Variants in STK32A observed in about 807,000 individuals in gnomAD.
The protein encoded by STK32A is serine/threonine kinase 32A.
Under a neutral mutation model 53.2 loss-of-function variants are expected in STK32A, and 41 were observed. The observed-to-expected ratio is 0.77, with a 90% CI of 0.60 to 1.00. The LOEUF is 1.00. STK32A is among the 50% of genes least tolerant of loss of function. The probability of loss-of-function intolerance (pLI) is 0.00; values close to 1 mark genes in which losing one functional copy is unlikely to be tolerated. For synonymous variants in STK32A, 166 were observed against 162.8 expected (o/e 1.02, Z -0.15); for missense variants, 458 against 485.8 (o/e 0.94, Z 0.54).
chr5:147,298,480 G>A (rs1335113813), intron 4 of STK32A, among the ~76,000 whole-genome samples: 2 of 152,160 alleles, frequency 1.3e-5, no homozygotes, highest in Non-Finnish European at 2.9e-5. Flanking sequence ...ATCATTCTGA[G>A]TTATGCTCTA....
At chr5:147,294,049 A>C (rs1752737804) in intron 4 of STK32A, among the ~76,000 whole-genome samples, 1 of 152,200 alleles carries the variant, frequency 6.6e-6, no homozygotes, top group Non-Finnish European at 1.5e-5. Flanking sequence ...TTTTCTATTA[A>C]AGAGAAGATC....
At chr5:147,278,088 T>C (rs1384668524) in intron 2 of STK32A, 36 bp from the exon 3 acceptor site, 12 of 1,513,186 alleles carry the variant, frequency 7.9e-6, no homozygotes, top group Non-Finnish European at 1.1e-5. Flanking sequence ...GAGAAATTGA[T>C]AATTACTCAT....
At chr5:147,335,917 T>A (rs536720437) in intron 5 of STK32A, among the ~76,000 whole-genome samples, 1 of 152,332 alleles carries the variant, frequency 6.6e-6, no homozygotes, top group African/African-American at 2.4e-5. Context: ...GAATGAAGAA[T>A]GCGTATTAGA....
rs757717200 is a variant in STK32A, at chr5:147,383,883, T to G, written c.1098-7T>G. On this transcript the variant is annotated splice_region_variant and splice_polypyrimidine_tract_variant and intron_variant, in intron 12 of 12. Transcript: ENST00000397936. ...TAAAACATCTTTTTTTTTCTTTTCT[T>G]TTTAAGAGTAAACAGGGACTTTAAC... 1 of 1,506,444 alleles carries G rather than the reference T, an allele frequency of 6.6e-7. No homozygotes were observed. Among genetic ancestry groups the G allele is most frequent in the Non-Finnish European group, 9.1e-7 (1 of 1,104,490 alleles). 93.3% of individuals were successfully genotyped at this position (1,506,444 alleles called of 1,614,324 possible).
At chr5:147,326,058 C>T (rs1338800450) in intron 5 of STK32A, among the ~76,000 whole-genome samples, 1 of 152,180 alleles carries the variant, frequency 6.6e-6, no homozygotes, top group African/African-American at 2.4e-5. Context: ...TGAGCATTTT[C>T]TCCATGTACT....
chr5:147,363,885 A>T (rs1051300243), intron 8 of STK32A, among the ~76,000 whole-genome samples: 2 of 152,178 alleles, frequency 1.3e-5, no homozygotes, highest in Non-Finnish European at 2.9e-5. Flanking sequence ...AAGCAGACAG[A>T]AGGAACCAAG....
chr5:147,353,242 C>T lies in STK32A; in HGVS notation c.562+2088C>T, dbSNP rs149503987. Among the ~76,000 whole-genome samples, 187 of 152,318 alleles carry T rather than the reference C, an allele frequency of 1.2e-3. 1 individual carries two copies. Among genetic ancestry groups the T allele is most frequent in the African/African-American group, 4.3e-3 (179 of 41,568 alleles). On this transcript the variant is annotated intron_variant, in intron 7 of 12. Transcript: ENST00000397936. Reference sequence around the variant, plus strand: ...ATCCTCCACCTCCATACCGGGGTGGCTGAAACCAGCCCAGCAGGGTGAGTG... The same window carrying T: ...ATCCTCCACCTCCATACCGGGGTGGTTGAAACCAGCCCAGCAGGGTGAGTG...
intron 11 of STK32A, among the ~76,000 whole-genome samples, chr5:147,382,387 G>A (rs1366444934): frequency 6.6e-6 from 1 of 151,780 alleles, no homozygotes. Context: ...CTTTAAGATA[G>A]TTGTTTTGAT....
chr5:147,401,878 A>C, the STK32A span: 1 of 562,700 alleles, frequency 1.8e-6, no homozygotes, highest in African/African-American at 2.0e-5. Context: ...AATGTGACCA[A>C]GTTTGTATTC....
At chr5:147,242,978 A>G (rs1318413969) in intron 2 of STK32A, among the ~76,000 whole-genome samples, 2 of 152,212 alleles carry the variant, frequency 1.3e-5, no homozygotes, top group Non-Finnish European at 2.9e-5. Context: ...CATTTTTGAT[A>G]TCCATATTTT....
At chr5:147,253,458 G>C (rs1311295606) in intron 2 of STK32A, among the ~76,000 whole-genome samples, 2 of 152,146 alleles carry the variant, frequency 1.3e-5, no homozygotes, top group East Asian at 3.9e-4. Context: ...TTGCTGTGGA[G>C]GTTTCTGTAC....
At chr5:147,311,444 T>C (rs1236811332) in intron 4 of STK32A, among the ~76,000 whole-genome samples, 2 of 152,170 alleles carry the variant, frequency 1.3e-5, no homozygotes, top group Non-Finnish European at 2.9e-5. Context: ...TTGCTGATGG[T>C]TAGAAATGAG....
intron 8 of STK32A, among the ~76,000 whole-genome samples, chr5:147,363,134 G>T (rs576536135): frequency 5.1e-4 from 77 of 151,748 alleles, no homozygotes; most frequent in African/African-American, 1.9e-3. Flanking sequence ...AGCAAGTTAT[G>T]TGCTTCCAAA....
chr5:147,291,716 A>G (rs1044059624), intron 4 of STK32A, among the ~76,000 whole-genome samples: 1 of 152,170 alleles, frequency 6.6e-6, no homozygotes, highest in African/African-American at 2.4e-5. Flanking sequence ...AATAATAAAA[A>G]CTAGAAAACA....
chr5:147,290,615 T>C (rs1752556016), intron 4 of STK32A, among the ~76,000 whole-genome samples: 1 of 152,154 alleles, frequency 6.6e-6, no homozygotes, highest in African/African-American at 2.4e-5. Context: ...ACTCATGTCT[T>C]TGTCCCTGTG....
At chr5:147,365,423 G>A (rs1216899896) in intron 8 of STK32A, among the ~76,000 whole-genome samples, 1 of 152,068 alleles carries the variant, frequency 6.6e-6, no homozygotes, top group East Asian at 1.9e-4. Flanking sequence ...TGATGTGAAA[G>A]GACCACCCTT....
Position 147,358,994 on chromosome 5 carries a change from G to C in STK32A, c.563-2523G>C, listed in dbSNP as rs116128718. 6.5e-3 allele frequency among the ~76,000 whole-genome samples: 988 copies of C among 152,270 alleles called. 10 individuals are homozygous for C. The highest frequency in any genetic ancestry group is 0.023 in the African/African-American group (948 of 41,552). Reference sequence around the variant, plus strand: ...GGGACAAGATTCTATTTCTTGACCTGTATCATGTTTATGTGGACATTTGCT... The same window carrying C: ...GGGACAAGATTCTATTTCTTGACCTCTATCATGTTTATGTGGACATTTGCT... On this transcript the variant is annotated intron_variant, in intron 7 of 12. Transcript: ENST00000397936.
At position 147,266,072 on chromosome 5, in the gene STK32A, C is replaced by T. The variant is rs572526097; in HGVS notation, c.53-12052C>T. ...GGTAGACTGTAATTTAATGTCAGCA[C>T]CTTTCTGTTGCCATAATGAGGTATA... On this transcript the variant is annotated intron_variant, in intron 2 of 12. Transcript: ENST00000397936. 2.0e-5 allele frequency among the ~76,000 whole-genome samples: 3 copies of T among 152,310 alleles called. No individual in the cohort carries two copies. In the South Asian group the frequency reaches 6.2e-4, roughly 32 times the overall value.
chr5:147,375,282 G>A, intron 11 of STK32A, 64 bp downstream of exon 11: 4 of 1,560,784 alleles, frequency 2.6e-6, no homozygotes, highest in Non-Finnish European at 3.5e-6. Context: ...ATATCTTCGA[G>A]AGCTTCTACT....
Sources: allele counts gnomAD v4.1 joint callset (sites outside exome capture counted in the v4.1 genomes callset), GRCh38; gene constraint gnomAD v4.1.1; transcripts MANE v1.5; gene names NCBI Gene and HGNC (gene_info 2026-07-23, HGNC 2026-07-21).